SLIT2: variants seen among roughly 807,000 people sequenced by gnomAD.
SLIT2 encodes the protein slit homolog 2 protein.
In SLIT2, 41 loss-of-function variants were observed where a neutral mutation model predicts 185.7. That is an observed-to-expected ratio of 0.22 (90% CI 0.17 to 0.29). The LOEUF (loss-of-function observed/expected upper bound fraction) is 0.29. SLIT2 is among the 10% of genes least tolerant of loss of function. The pLI, the probability that SLIT2 is intolerant of heterozygous loss-of-function variation, is 1.00. For missense variants in SLIT2, 1,571 were observed against 1,909.0 expected, an observed-to-expected ratio of 0.82 and a Z score of 3.30; for synonymous variants, 693 against 680.2, an observed-to-expected ratio of 1.02 and a Z score of -0.29.
chr4:20,268,424 C>G (rs1053728720), intron 3 of SLIT2, among the ~76,000 whole-genome samples: 12 of 151,528 alleles, frequency 7.9e-5, no homozygotes, highest in African/African-American at 2.9e-4. Flanking sequence ...AACTTTTAGG[C>G]CAATTGGGAC....
intron 8 of SLIT2, chr4:20,490,841 GA>G (rs1255823489): frequency 6.7e-7 from 1 of 1,503,114 alleles, no homozygotes; most frequent in Non-Finnish European, 8.9e-7. Context: ...TTTTTAGACC[GA>G]GGATATTTTT....
chr4:20,586,917 A>G lies in SLIT2; in HGVS notation c.3089-2727A>G, dbSNP rs117604427. ...TAGTAAACAGACCCAGGTGATATGA[A>G]TGTCGGGTGGAAGATTGGTCTTTAA... On this transcript the variant is annotated intron_variant, in intron 29 of 36. Transcript: ENST00000504154. Among the ~76,000 whole-genome samples, 10 of 152,298 alleles carry G rather than the reference A, an allele frequency of 6.6e-5. No homozygotes were observed. The East Asian group carries it at 1.9e-3, about 29-fold the overall frequency.
intron 5 of SLIT2, among the ~76,000 whole-genome samples, chr4:20,478,236 C>T (rs669852): frequency 0.81 from 123,179 of 152,062 alleles, 50,147 homozygotes; most frequent in East Asian, 0.93. Flanking sequence ...TATGAGTAAC[C>T]TCATGAAATA....
chr4:20,554,774 G>C (rs1484312259), intron 26 of SLIT2, among the ~76,000 whole-genome samples: 1 of 146,998 alleles, frequency 6.8e-6, no homozygotes. Context: ...TTTTTTTTTT[G>C]TTTGTTTGAG....
chr4:20,449,390 A>T (rs1712213525), intron 4 of SLIT2, among the ~76,000 whole-genome samples: 1 of 152,106 alleles, frequency 6.6e-6, no homozygotes, highest in African/African-American at 2.4e-5. Flanking sequence ...TTGACAGAGA[A>T]AAAACAGGGT....
chr4:20,519,404 A>C lies in SLIT2; in HGVS notation c.1081A>C (p.Thr361Pro), dbSNP rs776461677. The change falls in exon 12 of 37, where the codon ACA (threonine) becomes CCA (proline). Residue 361 changes from threonine to proline, a missense_variant. Physicochemically the swap from Thr to Pro is conservative, Grantham distance 38. Transcript: ENST00000504154. ...NSLVLYGNKI[T>P]ELPKSLFEGL... ...CAGTGTCCTCTATGGAAATAAAATC[A>C]CAGAACTCCCCAAAAGTTTATTTGA... is the stretch of plus-strand genomic sequence containing the variant. 1 of 1,587,166 alleles carries C rather than the reference A, an allele frequency of 6.3e-7. No individual in the cohort carries two copies. Among genetic ancestry groups the C allele is most frequent in the Non-Finnish European group, 8.6e-7 (1 of 1,156,734 alleles).
chr4:20,431,046 T>A (rs917876138), intron 4 of SLIT2, among the ~76,000 whole-genome samples: 4 of 152,242 alleles, frequency 2.6e-5, no homozygotes, highest in African/African-American at 9.6e-5. Flanking sequence ...TTGAACCGTG[T>A]TACGTTGGCA....
At chr4:20,611,965 G>A (rs995990093) in intron 34 of SLIT2, among the ~76,000 whole-genome samples, 2 of 152,158 alleles carry the variant, frequency 1.3e-5, no homozygotes, top group African/African-American at 4.8e-5. Flanking sequence ...TCTAAGTGCT[G>A]TGGCCTTTTG....
At chr4:20,439,165 T>A in intron 4 of SLIT2, among the ~76,000 whole-genome samples, 1 of 152,250 alleles carries the variant, frequency 6.6e-6, no homozygotes, top group East Asian at 1.9e-4. Context: ...ATTTACTATG[T>A]TTTAAACACA....
At chr4:20,302,151 C>T (rs1035286316) in intron 4 of SLIT2, among the ~76,000 whole-genome samples, 4 of 152,204 alleles carry the variant, frequency 2.6e-5, no homozygotes, top group South Asian at 2.1e-4. Context: ...ACACATGACA[C>T]ATTTCAGAGT....
At chr4:20,435,231 T>C (rs1729268625) in intron 4 of SLIT2, among the ~76,000 whole-genome samples, 1 of 152,164 alleles carries the variant, frequency 6.6e-6, no homozygotes, top group South Asian at 2.1e-4. Flanking sequence ...AAATGCTCTC[T>C]GGAGTGTAGG....
At chr4:20,465,563 C>T (rs941589389) in intron 4 of SLIT2, among the ~76,000 whole-genome samples, 2 of 152,094 alleles carry the variant, frequency 1.3e-5, no homozygotes, top group East Asian at 1.9e-4. Flanking sequence ...ACACATAAAC[C>T]ATTAGCCTTA....
chr4:20,572,846 G>A (rs1205440243), intron 29 of SLIT2, among the ~76,000 whole-genome samples: 2 of 152,134 alleles, frequency 1.3e-5, no homozygotes, highest in African/African-American at 4.8e-5. Context: ...TGCAGATTGG[G>A]TGTGTAAAGC....
At chr4:20,348,888 G>A (rs1721648566) in intron 4 of SLIT2, among the ~76,000 whole-genome samples, 1 of 152,150 alleles carries the variant, frequency 6.6e-6, no homozygotes, top group Non-Finnish European at 1.5e-5. Context: ...AAGCCTCATT[G>A]CATTTGTTCC....
At chr4:20,346,276 A>G (rs1429705951) in intron 4 of SLIT2, among the ~76,000 whole-genome samples, 4 of 152,190 alleles carry the variant, frequency 2.6e-5, no homozygotes, top group African/African-American at 7.2e-5. Flanking sequence ...GATTACAGGC[A>G]TGAGCCATCA....
chr4:20,449,748 A>G (rs1202359737), intron 4 of SLIT2, among the ~76,000 whole-genome samples: 1 of 152,194 alleles, frequency 6.6e-6, no homozygotes, highest in African/African-American at 2.4e-5. Flanking sequence ...AAAAAAATAG[A>G]ACATCAACAG....
rs370788444 is a variant in SLIT2 at position 20,295,301 on chromosome 4, C to T, written c.395+26420C>T. Among the ~76,000 whole-genome samples, 70 of 152,242 alleles carry T rather than the reference C, an allele frequency of 4.6e-4. 1 individual carries two copies. Among genetic ancestry groups the T allele is most frequent in the Middle Eastern group, 3.4e-3 (1 of 294 alleles). ...GAGGCCCCTACTCTTGAAAGTTTTC[C>T]GGGGCCCCTTTCTGATACACTGTGA... On this transcript the variant is annotated intron_variant, in intron 4 of 36. Coordinates refer to ENST00000504154, the MANE Select transcript of SLIT2 (RefSeq NM_004787.4).
intron 4 of SLIT2, among the ~76,000 whole-genome samples, chr4:20,425,810 G>A (rs1000558570): frequency 4.6e-5 from 7 of 152,144 alleles, no homozygotes; most frequent in Admixed American, 3.3e-4. Context: ...ACTTAAAGTA[G>A]TAAATGGAGA....
In SLIT2 at chr4:20,509,147, A is replaced by G. The variant is rs527961235; in HGVS notation, c.915-1348A>G. 4.5e-4 allele frequency among the ~76,000 whole-genome samples: 68 copies of G among 151,346 alleles called. 1 individual carries two copies. The highest frequency in any genetic ancestry group is 1.4e-3 in the African/African-American group (57 of 41,340). ...TATTTATTCATATTTAAATATATAC[A>G]CATATGTATACATACATATATATAT... On this transcript the variant is annotated intron_variant, in intron 9 of 36. Transcript: ENST00000504154.
Sources: gnomAD v4.1 joint callset for allele counts (sites outside exome capture counted in the v4.1 genomes callset) on GRCh38, gnomAD v4.1.1 for gene constraint, MANE v1.5 for transcripts, NCBI Gene and HGNC (gene_info 2026-07-23, HGNC 2026-07-21) for gene names.